The following WDCP variants were observed in gnomAD, a reference collection of about 807,000 sequenced individuals.
WDCP encodes the protein WD repeat and coiled-coil-containing protein.
WDCP carries 19 observed loss-of-function variants against 41.6 expected under a neutral mutation model. The observed-to-expected ratio is 0.46, with a 90% CI of 0.32 to 0.67. The LOEUF is 0.67. WDCP is among the 30% of genes least tolerant of loss of function. The pLI is 0.04. For synonymous variants in WDCP, 302 were observed against 320.8 expected (o/e 0.94, Z 0.63); for missense variants, 802 against 850.7 (o/e 0.94, Z 0.71).
chr2:24,040,733 A>G (rs535089655), intron 1 of WDCP, among the ~76,000 whole-genome samples: 1 of 152,300 alleles, frequency 6.6e-6, no homozygotes, highest in South Asian at 2.1e-4. Flanking sequence ...GCATATGCTT[A>G]GGGCTGGGCG....
At chr2:24,037,580 G>C in intron 2 of WDCP, 97 bp downstream of exon 2, 1 of 1,324,504 alleles carries the variant, frequency 7.5e-7, no homozygotes, top group Non-Finnish European at 1.0e-6. Context: ...GTGAAGCTCA[G>C]TTAGAGCACC....
chr2:24,033,646 T>C (rs1008671682), intron 2 of WDCP, among the ~76,000 whole-genome samples: 1 of 151,706 alleles, frequency 6.6e-6, no homozygotes, highest in Non-Finnish European at 1.5e-5. Flanking sequence ...GAGGCTGAGG[T>C]AGGAGAATCA....
At chr2:24,043,675 C>A (rs1340455227) in intron 1 of WDCP, among the ~76,000 whole-genome samples, 1 of 152,184 alleles carries the variant, frequency 6.6e-6, no homozygotes, top group Non-Finnish European at 1.5e-5. Context: ...AAACATCTCT[C>A]ACCAGGCCAC....
Position 24,039,335 on chromosome 2 carries a change from T to C in WDCP, c.160A>G (p.Ile54Val), listed in dbSNP as rs770511476. Residue 54 changes from isoleucine (I) to valine (V), a missense_variant, in exon 2 of 4, where the codon ATT becomes GTT. By Grantham distance (29) the Ile-to-Val change is conservative. Coordinates refer to ENST00000295148, the MANE Select transcript of WDCP (RefSeq NM_025203.3). Reference sequence around the variant, plus strand: ...CCACAGACACATTCAAACTGTCCAATGACTTTGGAGTCCCCAAACTTGACC... The same window carrying C: ...CCACAGACACATTCAAACTGTCCAACGACTTTGGAGTCCCCAAACTTGACC... ...GEVKFGDSKV[I>V]GQFECVCGLS... 3.1e-6 allele frequency: 5 copies of C among 1,614,238 alleles called. No individual in the cohort carries two copies. Among genetic ancestry groups the C allele is most frequent in the Non-Finnish European group, 3.4e-6 (4 of 1,180,040 alleles).
At position 24,038,772 on chromosome 2, in the gene WDCP, A is replaced by G; in HGVS notation, c.723T>C (p.Pro241=). ...LNASETFNIP[P]NSKDMTPYAL... ...CATACGGAGTCATGTCTTTACTGTT[A>G]GGTGGGATATTAAAGGTTTCAGATG... The change falls in exon 2 of 4, where the codon CCT becomes CCC. Residue 241 remains proline (P), a synonymous_variant. Coordinates refer to ENST00000295148, the MANE Select transcript of WDCP (RefSeq NM_025203.3). The G allele has an allele frequency of 6.2e-7, 1 of 1,614,216 alleles. No homozygotes were observed. Among genetic ancestry groups the G allele is most frequent in the Middle Eastern group, 1.6e-4 (1 of 6,062 alleles).
chr2:24,045,391 C>G (rs2150955635), intron 1 of WDCP, among the ~76,000 whole-genome samples: 1 of 151,958 alleles, frequency 6.6e-6, no homozygotes, highest in Admixed American at 6.6e-5. Context: ...CATCTGAGGT[C>G]AGGAGTTCGA....
intron 3 of WDCP, 62 bp from the exon 4 acceptor site, chr2:24,031,224 G>A (rs1663087768): frequency 7.7e-7 from 1 of 1,294,658 alleles, no homozygotes; most frequent in Non-Finnish European, 1.1e-6. Flanking sequence ...TGAAACATAT[G>A]ACTACAAATT....
In WDCP at chr2:24,038,569, A is replaced by G; in HGVS notation, c.926T>C (p.Leu309Ser). ...TGAAGAATCTTGGCCAGTTCCTGTC[A>G]AGTAGTCCTTTTTTCTTAGACAAAT... ...SLICLRKKDYLTGTGQDSSHL... is the reference protein window; with the variant it reads ...SLICLRKKDYSTGTGQDSSHL... The change falls in exon 2 of 4, where the codon TTG becomes TCG. Residue 309 changes from leucine (L) to serine (S), a missense_variant. By Grantham distance (145) the Leu-to-Ser change is moderately radical (BLOSUM62 -2). Around this residue, in one of 5 missense-constraint regions of WDCP, gnomAD observed 247 missense variants for 240.5 expected, o/e 1.03. Coordinates refer to ENST00000295148, the MANE Select transcript of WDCP (RefSeq NM_025203.3). The G allele has an allele frequency of 1.2e-6, 2 of 1,614,164 alleles. No homozygotes were observed. Among genetic ancestry groups the G allele is most frequent in the African/African-American group, 1.3e-5 (1 of 75,056 alleles).
chr2:24,039,543 T>C, intron 1 of WDCP, 31 bp from the exon 2 acceptor site: 1 of 1,578,530 alleles, frequency 6.3e-7, no homozygotes, highest in Non-Finnish European at 8.6e-7. Flanking sequence ...AGTTACACCA[T>C]GAGAAATCTA....
At chr2:24,034,813 G>T (rs1663194884) in intron 2 of WDCP, among the ~76,000 whole-genome samples, 1 of 152,054 alleles carries the variant, frequency 6.6e-6, no homozygotes, top group South Asian at 2.1e-4. Context: ...GGACTCAAGT[G>T]ATCTACCCAT....
At chr2:24,031,336 G>T (rs1468991115) in intron 3 of WDCP, among the ~76,000 whole-genome samples, 174 bp from the exon 4 acceptor site, 2 of 152,108 alleles carry the variant, frequency 1.3e-5, no homozygotes, top group Non-Finnish European at 2.9e-5. Flanking sequence ...TATTACTTAG[G>T]GTCAGGTAGG....
At position 24,040,533 on chromosome 2, in the gene WDCP, ACT is replaced by A. The variant is rs1281209608; in HGVS notation, c.-18-1023_-18-1022del. 2.0e-5 allele frequency among the ~76,000 whole-genome samples: 3 copies of A among 152,172 alleles called. No individual in the cohort carries two copies. In the East Asian group the frequency reaches 5.8e-4, roughly 29 times the overall value. ...TCTATTGAAATGACACTCAAAAATC[ACT>A]GTTTCTATTTCTACTTCTACTTCAT... On this transcript the variant is annotated intron_variant, in intron 1 of 3. Coordinates refer to ENST00000295148, the MANE Select transcript of WDCP (RefSeq NM_025203.3).
Position 24,030,708 on chromosome 2 carries a change from A to T in WDCP, c.*225T>A, listed in dbSNP as rs964031205. ...TGCCCTTAGTCAAAACCACACAGTCATGAATACATAAACACCACTTTCGGA... is the reference window on the plus strand; with the variant it reads ...TGCCCTTAGTCAAAACCACACAGTCTTGAATACATAAACACCACTTTCGGA... On this transcript the variant is annotated 3_prime_UTR_variant, in exon 4 of 4. Transcript: ENST00000295148. 5 of 528,114 alleles carry T rather than the reference A, an allele frequency of 9.5e-6. No homozygotes were observed. Among genetic ancestry groups the T allele is most frequent in the Non-Finnish European group, 1.7e-5 (5 of 295,000 alleles). 32.7% of individuals were successfully genotyped at this position (528,114 alleles called of 1,614,324 possible). A position where few individuals can be genotyped will look rare whatever the true frequency, so the allele number is the denominator to read the frequency against.
intron 1 of WDCP, among the ~76,000 whole-genome samples, chr2:24,045,631 G>GAGGAAGGAAGGAAGGAAGGAAGGAAGGA (rs4041250): frequency 9.4e-6 from 1 of 106,136 alleles, no homozygotes; most frequent in African/African-American, 4.8e-5. Flanking sequence ...GAGAGAGAGA[G>GAGGAAGGAAGGAAGGAAGGAAGGAAGGA]AGGAAGGAAG....
intron 2 of WDCP, 53 bp downstream of exon 2, chr2:24,037,624 A>G: frequency 6.6e-7 from 1 of 1,515,750 alleles, no homozygotes; most frequent in Non-Finnish European, 8.8e-7. Flanking sequence ...TGCAGTACTC[A>G]CCGGCTGCAG....
chr2:24,041,852 C>G (rs1663445521), intron 1 of WDCP, among the ~76,000 whole-genome samples: 1 of 69,626 alleles, frequency 1.4e-5, no homozygotes, highest in South Asian at 5.8e-4. Flanking sequence ...AAGTGAAACT[C>G]TGTCTCAAAA....
Position 24,039,404 on chromosome 2 carries a change from C to T in WDCP, c.91G>A (p.Gly31Arg), listed in dbSNP as rs769901942. Residue 31 changes from glycine (G) to arginine (R), a missense_variant, in exon 2 of 4, where the codon GGG becomes AGG. By Grantham distance (125) the Gly-to-Arg change is moderately radical. Transcript: ENST00000295148. The part of the protein sequence containing the change: ...HPIHGLAWTD[G>R]NQVVLTDLRL... ...AAATCAGTTAGGACAACTTGATTCC[C>T]ATCGGTCCAGGCAAGGCCATGGATC... 2.5e-6 allele frequency: 4 copies of T among 1,614,276 alleles called. No individual in the cohort carries two copies. The highest frequency in any genetic ancestry group is 1.7e-5 in the Admixed American group (1 of 60,026).
At chr2:24,031,829 A>G (rs893225577) in intron 3 of WDCP, among the ~76,000 whole-genome samples, 11 of 151,912 alleles carry the variant, frequency 7.2e-5, no homozygotes, top group Non-Finnish European at 1.6e-4. Flanking sequence ...CGGTCTCAAA[A>G]AAAAAAAAAG....
Position 24,031,085 on chromosome 2 carries a change from T to C in WDCP, c.2014A>G (p.Ile672Val). 1 of 1,614,238 alleles carries C rather than the reference T, an allele frequency of 6.2e-7. No homozygotes were observed. Among genetic ancestry groups the C allele is most frequent in the Non-Finnish European group, 8.5e-7 (1 of 1,180,028 alleles). Reference sequence around the variant, plus strand: ...GACCTGGACAGGCTGCCATCTCTTATGATTATTTCCTGTGTGGCTGTGAAG... The same window carrying C: ...GACCTGGACAGGCTGCCATCTCTTACGATTATTTCCTGTGTGGCTGTGAAG... ...LTFTATQEIIIRDGSLSRSDV... is the reference protein window; with the variant it reads ...LTFTATQEIIVRDGSLSRSDV... The change falls in exon 4 of 4, where the codon ATA becomes GTA. Residue 672 changes from isoleucine to valine, a missense_variant. By Grantham distance (29) the Ile-to-Val change is conservative. Coordinates refer to ENST00000295148, the MANE Select transcript of WDCP (RefSeq NM_025203.3).
Sources: allele counts gnomAD v4.1 joint callset (sites outside exome capture counted in the v4.1 genomes callset), GRCh38; gene constraint gnomAD v4.1.1; regional missense constraint gnomAD v4.1.1; transcripts MANE v1.5; gene names NCBI Gene and HGNC (gene_info 2026-07-23, HGNC 2026-07-21).